The following DAB1 variants were observed in gnomAD, a reference collection of about 807,000 sequenced individuals.
The protein encoded by DAB1 is disabled homolog 1.
In DAB1, 15 loss-of-function variants were observed where a neutral mutation model predicts 64.6. The observed-to-expected ratio is 0.23, with a 90% CI of 0.16 to 0.36. DAB1 has a LOEUF of 0.36. Ranked by LOEUF, DAB1 falls within the 10% of genes least tolerant of loss-of-function variation. DAB1 has a pLI of 1.00. For missense variants in DAB1, 596 were observed against 706.7 expected (o/e 0.84, Z 1.78); for synonymous variants, 235 against 251.9 (o/e 0.93, Z 0.64).
intron 4 of DAB1, among the ~76,000 whole-genome samples, chr1:58,322,041 A>G (rs994962833): frequency 3.0e-4 from 45 of 152,364 alleles, no homozygotes; most frequent in Non-Finnish European, 5.6e-4. Context: ...AGCCATATGT[A>G]GAAAGCTGAA....
At chr1:57,052,177 G>A (rs890644810) in intron 9 of DAB1, among the ~76,000 whole-genome samples, 33 of 152,132 alleles carry the variant, frequency 2.2e-4, no homozygotes, top group Non-Finnish European at 4.0e-4. Flanking sequence ...AGCCGAGGCT[G>A]TCCACAGCAT....
At chr1:57,291,225 T>C (rs1672752486) in intron 1 of DAB1, 59 bp from the exon 2 acceptor site, 1 of 412,054 alleles carries the variant, frequency 2.4e-6, no homozygotes, top group Non-Finnish European at 4.3e-6. Flanking sequence ...TAAACAGAAA[T>C]TTATAAAAAG....
At chr1:57,899,352 T>G (rs1217637373) in intron 5 of DAB1, among the ~76,000 whole-genome samples, 1 of 152,172 alleles carries the variant, frequency 6.6e-6, no homozygotes, top group Non-Finnish European at 1.5e-5. Context: ...ATGAAAAGTG[T>G]GTGATCTTAT....
At chr1:57,733,900 A>C (rs1475382972) in intron 6 of DAB1, among the ~76,000 whole-genome samples, 1 of 152,054 alleles carries the variant, frequency 6.6e-6, no homozygotes, top group Admixed American at 6.5e-5. Flanking sequence ...AGGGAAGGGA[A>C]ATGATCAGGA....
At chr1:57,742,758 A>T (rs1270403149) in intron 6 of DAB1, among the ~76,000 whole-genome samples, 2 of 152,176 alleles carry the variant, frequency 1.3e-5, no homozygotes, top group Non-Finnish European at 2.9e-5. Flanking sequence ...GGCAGGAATG[A>T]TGAGGAATGA....
chr1:58,355,323 G>T (rs1569676975), intron 3 of DAB1, among the ~76,000 whole-genome samples: 1 of 152,282 alleles, frequency 6.6e-6, no homozygotes, highest in Non-Finnish European at 1.5e-5. Context: ...GAATTGAAAG[G>T]CTATATTGTT....
At chr1:57,546,014 T>C (rs1172110567) in intron 7 of DAB1, among the ~76,000 whole-genome samples, 2 of 152,016 alleles carry the variant, frequency 1.3e-5, no homozygotes, top group Non-Finnish European at 2.9e-5. Flanking sequence ...AGGAGTGCTG[T>C]GGATGCTTCA....
At chr1:57,100,065 G>T (rs765130658) in intron 4 of DAB1, among the ~76,000 whole-genome samples, 1 of 152,146 alleles carries the variant, frequency 6.6e-6, no homozygotes, top group Non-Finnish European at 1.5e-5. Context: ...CGGTAGATTT[G>T]CCAGCTCTGG....
chr1:57,453,810 A>G (rs1397068830), intron 7 of DAB1, among the ~76,000 whole-genome samples: 5 of 152,214 alleles, frequency 3.3e-5, no homozygotes, highest in African/African-American at 1.2e-4. Flanking sequence ...AGTTTATCTC[A>G]TAAAAAAGTT....
chr1:57,054,664 G>C (rs1649566385), intron 9 of DAB1, among the ~76,000 whole-genome samples: 1 of 151,976 alleles, frequency 6.6e-6, no homozygotes, highest in Non-Finnish European at 1.5e-5. Context: ...ATTTTTAGTA[G>C]AGATGGTGTT....
At chr1:57,546,593 T>TG (rs1420251670) in intron 7 of DAB1, among the ~76,000 whole-genome samples, 6 of 152,202 alleles carry the variant, frequency 3.9e-5, no homozygotes, top group African/African-American at 1.4e-4. Context: ...ACTTGATACA[T>TG]GTGCAAATGC....
intron 5 of DAB1, among the ~76,000 whole-genome samples, chr1:57,931,091 T>C (rs961279010): frequency 2.0e-5 from 3 of 152,344 alleles, no homozygotes; most frequent in Admixed American, 2.0e-4. Context: ...ATGCTTTTTC[T>C]GTATTGATTA....
At chr1:58,267,585 T>G (rs1011163687) in intron 4 of DAB1, among the ~76,000 whole-genome samples, 1 of 152,184 alleles carries the variant, frequency 6.6e-6, no homozygotes, top group Non-Finnish European at 1.5e-5. Flanking sequence ...GAGTCAGAAC[T>G]AGGACTGAAA....
chr1:57,832,061 C>T (rs1272679008), intron 1 of DAB1, among the ~76,000 whole-genome samples: 3 of 152,124 alleles, frequency 2.0e-5, no homozygotes. Flanking sequence ...AAATCATATA[C>T]ACTTGCATAT....
chr1:57,810,345 ACTTTT>A (rs1410633674), intron 6 of DAB1, among the ~76,000 whole-genome samples: 5 of 152,162 alleles, frequency 3.3e-5, no homozygotes, highest in Admixed American at 6.6e-5. Context: ...GAAGAGGAAG[ACTTTT>A]CTATAGAGGG....
chr1:58,414,333 G>A (rs1644697274), intron 3 of DAB1, among the ~76,000 whole-genome samples: 1 of 152,118 alleles, frequency 6.6e-6, no homozygotes, highest in Admixed American at 6.6e-5. Context: ...AGACTTTTCT[G>A]ACTCCAAAAC....
At chr1:57,261,285 A>G (rs950175253) in intron 2 of DAB1, among the ~76,000 whole-genome samples, 3 of 152,070 alleles carry the variant, frequency 2.0e-5, no homozygotes, top group African/African-American at 7.2e-5. Context: ...ACAAACCTAT[A>G]CAGTATCCCT....
At chr1:58,005,636 T>A (rs2100416076) in intron 5 of DAB1, among the ~76,000 whole-genome samples, 1 of 146,204 alleles carries the variant, frequency 6.8e-6, no homozygotes. Flanking sequence ...AGGCAGTGCC[T>A]CAAGATGCAA....
At chr1:57,553,245 A>G (rs930700694) in intron 7 of DAB1, among the ~76,000 whole-genome samples, 3 of 151,542 alleles carry the variant, frequency 2.0e-5, no homozygotes, top group East Asian at 1.9e-4. Flanking sequence ...ATGGGTATCT[A>G]TACTATGGGT....
Sources: allele counts gnomAD v4.1 joint callset (sites outside exome capture counted in the v4.1 genomes callset), GRCh38; gene constraint gnomAD v4.1.1; transcripts MANE v1.5; gene names NCBI Gene and HGNC (gene_info 2026-07-23, HGNC 2026-07-21).